The following TFAP2A variants were observed in gnomAD, a reference collection of about 807,000 sequenced individuals.
The protein encoded by TFAP2A is transcription factor AP-2-alpha.
TFAP2A carries 7 observed loss-of-function variants against 41.5 expected under a neutral mutation model. That is an observed-to-expected ratio of 0.17 (90% CI 0.10 to 0.32). The LOEUF is 0.32. Ranked by LOEUF, TFAP2A falls within the 10% of genes least tolerant of loss-of-function variation. TFAP2A has a pLI of 1.00. For synonymous variants in TFAP2A, 247 were observed against 242.8 expected (o/e 1.02, Z -0.16); for missense variants, 416 against 563.3 (o/e 0.74, Z 2.65).
upstream of TFAP2A, chr6:10,419,501 G>T (rs1561721159): frequency 1.9e-6 from 3 of 1,612,458 alleles, no homozygotes; most frequent in Middle Eastern, 1.7e-4. Context: ...GGGCTGGAGG[G>T]CTCGGTCGGG....
intron 6 of TFAP2A, among the ~76,000 whole-genome samples, chr6:10,399,896 GTCTC>G (rs140854143): frequency 4.2e-4 from 63 of 148,458 alleles, no homozygotes; most frequent in Middle Eastern, 3.4e-3. Context: ...TGGGGTGTGG[GTCTC>G]TCTCTCTCTC....
At chr6:10,400,687 G>T in intron 5 of TFAP2A, 98 bp from the exon 6 acceptor site, 1 of 1,378,462 alleles carries the variant, frequency 7.3e-7, no homozygotes, top group Non-Finnish European at 1.0e-6. Flanking sequence ...CTTCACCCCA[G>T]ATGTTGCAGG....
chr6:10,411,611 G>T (rs760178779), intron 1 of TFAP2A: 4 of 1,613,986 alleles, frequency 2.5e-6, no homozygotes, highest in Non-Finnish European at 3.4e-6. Context: ...GAAGAGTCTG[G>T]GGTAACGAGT....
In TFAP2A at chr6:10,397,761, T is replaced by C. The variant is rs1457572911; in HGVS notation, c.*656A>G. 4 of 654,698 alleles carry C rather than the reference T, an allele frequency of 6.1e-6. No homozygotes were observed. The South Asian group carries it at 2.0e-4, about 34-fold the overall frequency. 40.6% of individuals were successfully genotyped at this position (654,698 alleles called of 1,614,324 possible). ...AGACGTGAACACTGATTCCCTTATA[T>C]AACTGCGAATCGTGTTGCCAGAGAA... is the stretch of plus-strand genomic sequence containing the variant. On this transcript the variant is annotated 3_prime_UTR_variant, in exon 7 of 7. Transcript: ENST00000379613.
intron 2 of TFAP2A, among the ~76,000 whole-genome samples, chr6:10,408,371 A>G (rs1185882640): frequency 6.6e-6 from 1 of 152,204 alleles, no homozygotes. Context: ...AGGTGTTAAG[A>G]ATTCACCTTG....
At chr6:10,418,032 CA>C (rs1400676540), upstream of TFAP2A, among the ~76,000 whole-genome samples, 1 of 152,172 alleles carries the variant, frequency 6.6e-6, no homozygotes, top group Non-Finnish European at 1.5e-5. Context: ...CTTCAGCCTC[CA>C]AATAAGAGAG....
chr6:10,401,951 C>A, intron 5 of TFAP2A: 1 of 260,964 alleles, frequency 3.8e-6, no homozygotes, highest in Non-Finnish European at 7.5e-6. Flanking sequence ...CTTTCCATAT[C>A]CACATCATCC....
intron 1 of TFAP2A, chr6:10,414,615 C>T (rs1758164389): frequency 9.6e-6 from 5 of 523,124 alleles, no homozygotes; most frequent in Non-Finnish European, 1.7e-5. Flanking sequence ...GAGGAGTGCA[C>T]AGGCAAGTGC....
chr6:10,398,796 C>T lies in TFAP2A; in HGVS notation c.1032-91G>A, dbSNP rs1761895929. The T allele has an allele frequency of 2.1e-6, 3 of 1,462,956 alleles. No homozygotes were observed. Among genetic ancestry groups the T allele is most frequent in the East Asian group, 4.7e-5 (2 of 42,838 alleles). The allele number at this position is 1,462,956 out of a possible 1,614,324, so 90.6% of individuals were successfully genotyped here. ...AGAAAACCTCCCTCCCTGCAGCTAC[C>T]TCTGCCGGGATCCAGCCGGTACCTG... On this transcript the variant is annotated intron_variant, in intron 6 of 6. Coordinates refer to ENST00000379613, the MANE Select transcript of TFAP2A (RefSeq NM_001372066.1). The surrounding 1 kb of genome is among the most constrained non-coding windows in gnomAD (Gnocchi z 5.3).
chr6:10,414,572 G>A, intron 1 of TFAP2A: 1 of 438,954 alleles, frequency 2.3e-6, no homozygotes, highest in Non-Finnish European at 4.2e-6. Context: ...TGTTCCTGGT[G>A]ACTTGGGCCC....
chr6:10,399,447 T>C (rs1761921111), intron 6 of TFAP2A, among the ~76,000 whole-genome samples: 1 of 152,148 alleles, frequency 6.6e-6, no homozygotes, highest in Admixed American at 6.5e-5. Context: ...TTACGAAGCC[T>C]GGGGAAAGAG....
At chr6:10,408,590 T>C (rs116597478) in intron 2 of TFAP2A, among the ~76,000 whole-genome samples, 2,405 of 152,324 alleles carry the variant, frequency 0.016, 66 homozygotes, top group African/African-American at 0.054. Context: ...AAATGCACTG[T>C]TAAGTATCAG....
chr6:10,404,727 A>C lies in TFAP2A; in HGVS notation c.551T>G (p.Leu184Arg), dbSNP rs764532449. Residue 184 changes from leucine (L) to arginine (R), a missense_variant, in exon 4 of 7, where the codon CTG (leucine) becomes CGG (arginine). Transcript: ENST00000379613. ...GACGGCATTGCTGTTGGACTTGGAC[A>C]GGGACACGGGGCCTGCGGAGACAGA... Reference protein sequence around the residue: ...QTVIKKGPVSLSKSNSNAVSA... With the variant: ...QTVIKKGPVSRSKSNSNAVSA... The C allele has an allele frequency of 2.5e-6, 4 of 1,614,194 alleles. No individual in the cohort carries two copies. The highest frequency in any genetic ancestry group is 3.4e-6 in the Non-Finnish European group (4 of 1,179,996).
chr6:10,414,693 T>C (rs1758168781), intron 1 of TFAP2A: 2 of 619,560 alleles, frequency 3.2e-6, no homozygotes, highest in Non-Finnish European at 5.7e-6. Flanking sequence ...ACAGCCAAAA[T>C]TGGTCAGAAA....
At chr6:10,403,718 G>A (rs1268085162) in intron 4 of TFAP2A, among the ~76,000 whole-genome samples, 1 of 152,178 alleles carries the variant, frequency 6.6e-6, no homozygotes, top group East Asian at 1.9e-4. Flanking sequence ...CCTAAGGGAA[G>A]GTGCTTTACC....
Position 10,396,763 on chromosome 6 carries a change from TACAA to T in TFAP2A, c.*1650_*1653del, listed in dbSNP as rs372257234. ...AGACAGTATGTCATTCCTTTAGCAG[TACAA>T]ACAATCTTTTATCCAAAAGAATACA... On this transcript the variant is annotated 3_prime_UTR_variant, in exon 7 of 7. Transcript: ENST00000379613. 444 of 152,768 alleles carry T rather than the reference TACAA, an allele frequency of 2.9e-3. 2 individuals carry two copies. Among genetic ancestry groups the T allele is most frequent in the African/African-American group, 6.6e-3 (273 of 41,576 alleles). The allele number at this position is 152,768 out of a possible 1,614,324, so 9.5% of individuals were successfully genotyped here. A position where few individuals can be genotyped will look rare whatever the true frequency, so the allele number is the denominator to read the frequency against.
chr6:10,410,323 C>A lies in TFAP2A; in HGVS notation c.64G>T (p.Gly22Cys). ...AACCGTGCCGTCCCGTTGCTGGTGC[C>A]GTCGTGACGGTCCTAGAAGAGAGCG... ...KYEDCEDRHD[G>C]TSNGTARLPQ... Residue 22 changes from glycine (G) to cysteine (C), a missense_variant, in exon 2 of 7, where the codon GGC becomes TGC. Physicochemically the swap from Gly to Cys is radical, Grantham distance 159. Around this residue, in one of 3 missense-constraint regions of TFAP2A, gnomAD observed 241 missense variants for 274.1 expected, o/e 0.88. Transcript: ENST00000379613. 1.2e-6 allele frequency: 2 copies of A among 1,611,590 alleles called. No homozygotes were observed. Among genetic ancestry groups the A allele is most frequent in the Non-Finnish European group, 1.7e-6 (2 of 1,179,302 alleles).
At chr6:10,410,422 C>A in intron 1 of TFAP2A, 87 bp from the exon 2 acceptor site, 1 of 1,372,888 alleles carries the variant, frequency 7.3e-7, no homozygotes, top group Non-Finnish European at 1.0e-6. Flanking sequence ...GACAAGTCTG[C>A]GTGGGAAATC....
chr6:10,410,849 G>A (rs932617332), intron 1 of TFAP2A: 2 of 160,508 alleles, frequency 1.2e-5, no homozygotes, highest in Non-Finnish European at 2.8e-5. Flanking sequence ...AAAAACACAC[G>A]TTTAAATTAC....
Sources: allele counts gnomAD v4.1 joint callset (sites outside exome capture counted in the v4.1 genomes callset), GRCh38; gene constraint gnomAD v4.1.1; regional missense constraint gnomAD v4.1.1; non-coding constraint Gnocchi (gnomAD v3.1); transcripts MANE v1.5; gene names NCBI Gene and HGNC (gene_info 2026-07-23, HGNC 2026-07-21).